BTG4: variants seen among roughly 807,000 people sequenced by gnomAD.
The protein encoded by BTG4 is BTG anti-proliferation factor 4.
BTG4 carries 10 observed loss-of-function variants against 19.3 expected under a neutral mutation model. The observed-to-expected ratio is 0.52, with a 90% CI of 0.32 to 0.88. BTG4 has a LOEUF of 0.88. Ranked by LOEUF, BTG4 falls within the 40% of genes least tolerant of loss-of-function variation. BTG4 has a pLI of 0.04. For missense variants in BTG4, 238 were observed against 281.9 expected, an observed-to-expected ratio of 0.84 and a Z score of 1.11; for synonymous variants, 91 against 95.7, an observed-to-expected ratio of 0.95 and a Z score of 0.29.
chr11:111,456,470 G>A, the BTG4 span: 35 of 454,686 alleles, frequency 7.7e-5, no homozygotes, highest in East Asian at 7.0e-4. This position sits in a 1 kb window ranked among gnomAD's most constrained non-coding sequence, Gnocchi z 4.2. Flanking sequence ...CTCTCCCACC[G>A]GCCCCCAGCC....
At chr11:111,407,034 G>A in the BTG4 span, among the ~76,000 whole-genome samples, 3 of 151,988 alleles carry the variant, frequency 2.0e-5, no homozygotes, top group African/African-American at 7.2e-5. Context: ...ACCTTGAAAG[G>A]ATTAAGTGAA....
At chr11:111,412,244 A>G in the BTG4 span, among the ~76,000 whole-genome samples, 1 of 152,252 alleles carries the variant, frequency 6.6e-6, no homozygotes, top group Non-Finnish European at 1.5e-5. Context: ...GCCTATCAGT[A>G]GGCTGCTGTG....
At chr11:111,400,795 A>C in the BTG4 span, among the ~76,000 whole-genome samples, 1 of 152,342 alleles carries the variant, frequency 6.6e-6, no homozygotes, top group East Asian at 1.9e-4. Flanking sequence ...TCATGTTCAT[A>C]TCACATAGCC....
the BTG4 span, among the ~76,000 whole-genome samples, chr11:111,433,910 G>C: frequency 6.6e-6 from 1 of 152,246 alleles, no homozygotes; most frequent in Non-Finnish European, 1.5e-5. Context: ...ACAGATGCTG[G>C]AGAGGATGTG....
At chr11:111,396,350 C>A in the BTG4 span, among the ~76,000 whole-genome samples, 1 of 152,206 alleles carries the variant, frequency 6.6e-6, no homozygotes, top group African/African-American at 2.4e-5. Flanking sequence ...CACTCCCTGT[C>A]CCCTCTGCCC....
the BTG4 span, among the ~76,000 whole-genome samples, chr11:111,436,649 A>C: frequency 1.4e-5 from 2 of 145,728 alleles, no homozygotes; most frequent in Admixed American, 1.4e-4. Context: ...AAAAAAAAAC[A>C]AAAGAAGGGC....
chr11:111,445,476 C>A, the BTG4 span, among the ~76,000 whole-genome samples: 1 of 152,318 alleles, frequency 6.6e-6, no homozygotes, highest in East Asian at 1.9e-4. Context: ...ATCGTGCCCT[C>A]CTTTGTTATA....
At chr11:111,395,171 C>G in the BTG4 span, among the ~76,000 whole-genome samples, 1 of 152,262 alleles carries the variant, frequency 6.6e-6, no homozygotes, top group African/African-American at 2.4e-5. Context: ...CCAGCAACAG[C>G]TCCTCCATCC....
chr11:111,504,875 C>T (rs888784756), intron 1 of BTG4, among the ~76,000 whole-genome samples: 2 of 151,678 alleles, frequency 1.3e-5, no homozygotes, highest in South Asian at 2.1e-4. Flanking sequence ...AGGATAGCCA[C>T]GAAAAAGACC....
At chr11:111,398,602 C>T in the BTG4 span, among the ~76,000 whole-genome samples, 4 of 152,056 alleles carry the variant, frequency 2.6e-5, no homozygotes, top group Non-Finnish European at 5.9e-5. Flanking sequence ...TACAGGCACC[C>T]ACCACCATGC....
downstream of BTG4, among the ~76,000 whole-genome samples, chr11:111,466,120 G>C (rs1863706064): frequency 6.6e-6 from 1 of 152,060 alleles, no homozygotes; most frequent in Non-Finnish European, 1.5e-5. Flanking sequence ...GAAGATAGTA[G>C]AAGGTTATTA....
At chr11:111,484,166 A>G (rs1864910584) in intron 5 of BTG4, among the ~76,000 whole-genome samples, 1 of 152,166 alleles carries the variant, frequency 6.6e-6, no homozygotes, top group Non-Finnish European at 1.5e-5. Flanking sequence ...TCATAGAAAA[A>G]CAAAAGCTGA....
chr11:111,510,938 A>T (rs998115173), intron 1 of BTG4, among the ~76,000 whole-genome samples: 1 of 152,224 alleles, frequency 6.6e-6, no homozygotes, highest in African/African-American at 2.4e-5. Context: ...TCGATATAGT[A>T]TTGGGTAAAA....
chr11:111,463,364 A>G (rs557914151), downstream of BTG4: 1 of 152,666 alleles, frequency 6.6e-6, no homozygotes, highest in African/African-American at 2.4e-5. Flanking sequence ...GACATATTCT[A>G]TGGAACAGTC....
chr11:111,496,143 C>T (rs902043709), intron 4 of BTG4, among the ~76,000 whole-genome samples: 3 of 152,120 alleles, frequency 2.0e-5, no homozygotes, highest in African/African-American at 7.2e-5. Flanking sequence ...AACATTTGGG[C>T]ACATGGAAAG....
At chr11:111,514,322 C>A, upstream of BTG4, 1 of 201,918 alleles carries the variant, frequency 5.0e-6, no homozygotes, top group Non-Finnish European at 1.0e-5. Flanking sequence ...CCTCTAGCTC[C>A]CAAGGGCTAG....
the BTG4 span, among the ~76,000 whole-genome samples, chr11:111,394,700 G>T: frequency 6.6e-6 from 1 of 151,966 alleles, no homozygotes; most frequent in South Asian, 2.1e-4. Context: ...TCTCTATATG[G>T]GCCCACCTTG....
intron 4 of BTG4, among the ~76,000 whole-genome samples, chr11:111,495,595 A>G (rs1370183219): frequency 6.6e-6 from 1 of 152,126 alleles, no homozygotes; most frequent in Admixed American, 6.5e-5. Context: ...TCCCTACCTC[A>G]CCACTGCCAA....
the BTG4 span, among the ~76,000 whole-genome samples, chr11:111,451,901 A>G: frequency 6.6e-6 from 1 of 152,292 alleles, no homozygotes; most frequent in East Asian, 1.9e-4. Context: ...TTTCACAGCA[A>G]CCCAGCATGT....
Sources: gnomAD v4.1 joint callset for allele counts (sites outside exome capture counted in the v4.1 genomes callset) on GRCh38, gnomAD v4.1.1 for gene constraint, Gnocchi (gnomAD v3.1) non-coding constraint, MANE v1.5 for transcripts, NCBI Gene and HGNC (gene_info 2026-07-23, HGNC 2026-07-21) for gene names.